Variants in ZNF423 observed in about 807,000 individuals in gnomAD.
ZNF423 encodes the protein zinc finger protein 423, also known as Ebf-associated zinc finger protein.
A neutral mutation model predicts 95.8 loss-of-function variants in ZNF423; 12 were observed. That is an observed-to-expected ratio of 0.13 (90% confidence interval 0.08 to 0.20). ZNF423 has a LOEUF of 0.20. ZNF423 is among the 10% of genes least tolerant of loss of function. The pLI, the probability that ZNF423 is intolerant of heterozygous loss-of-function variation, is 1.00. For synonymous variants in ZNF423, 749 were observed against 711.9 expected (o/e 1.05, Z -0.83); for missense variants, 1,316 against 1,737.1 (o/e 0.76, Z 4.31).
Position 49,815,902 on chromosome 16 carries a change from ATATATATATATATTTTTTTTTTT to A in ZNF423, c.41-26379_41-26357del, listed in dbSNP as rs1567356409. ...AAAAAATATATATATATATATATAT[ATATATATATATATTTTTTTTTTT>A]TTTTTTTTTTTGAGACAAAGTCTCA... is the stretch of plus-strand genomic sequence containing the variant. On this transcript the variant is annotated intron_variant, in intron 1 of 7. Coordinates refer to ENST00000563137, the MANE Select transcript of ZNF423 (RefSeq NM_001379286.1). Among the ~76,000 whole-genome samples the A allele has an allele frequency of 2.4e-4, 11 of 46,690 alleles. No homozygotes were observed. The South Asian group carries it at 4.2e-3, about 18-fold the overall frequency. The allele number at this position is 46,690 out of a possible 152,430, so 30.6% of individuals were successfully genotyped here. A position where few individuals can be genotyped will look rare whatever the true frequency, so the allele number is the denominator to read the frequency against.
At chr16:49,795,258 G>T (rs2034479769) in intron 1 of ZNF423, among the ~76,000 whole-genome samples, 1 of 152,154 alleles carries the variant, frequency 6.6e-6, no homozygotes, top group African/African-American at 2.4e-5. Context: ...GAACCAGGCA[G>T]TGGGCAAGGC....
intron 3 of ZNF423, among the ~76,000 whole-genome samples, chr16:49,727,325 C>A (rs2033047708): frequency 6.6e-6 from 1 of 152,148 alleles, no homozygotes; most frequent in Non-Finnish European, 1.5e-5. Context: ...AGAGGCCGGG[C>A]TCCAGGTTGG....
intron 5 of ZNF423, among the ~76,000 whole-genome samples, chr16:49,569,238 C>T (rs1419416203): frequency 6.6e-6 from 1 of 152,226 alleles, no homozygotes; most frequent in Non-Finnish European, 1.5e-5. Flanking sequence ...TGTCCTATCA[C>T]CTCACTCAAC....
intron 3 of ZNF423, among the ~76,000 whole-genome samples, chr16:49,642,490 G>A (rs1423422408): frequency 6.6e-6 from 1 of 152,202 alleles, no homozygotes; most frequent in Non-Finnish European, 1.5e-5. Flanking sequence ...TATTCTGGGA[G>A]CAACAAGCTG....
intron 2 of ZNF423, among the ~76,000 whole-genome samples, chr16:49,752,427 G>T (rs1301944904): frequency 1.3e-5 from 2 of 152,216 alleles, no homozygotes; most frequent in Non-Finnish European, 2.9e-5. Flanking sequence ...GGGGTCTGGG[G>T]GAGCAAGGCT....
intron 3 of ZNF423, among the ~76,000 whole-genome samples, chr16:49,730,367 A>T (rs2033132492): frequency 6.6e-6 from 1 of 152,128 alleles, no homozygotes; most frequent in Admixed American, 6.5e-5. Context: ...TCCTCATCCC[A>T]TCAGAAGCTC....
intron 1 of ZNF423, among the ~76,000 whole-genome samples, chr16:49,850,447 G>A (rs1179251065): frequency 6.6e-6 from 1 of 152,168 alleles, no homozygotes; most frequent in Non-Finnish European, 1.5e-5. Flanking sequence ...AAATAATGGG[G>A]ACCCCACTAA....
At chr16:49,587,446 C>A (rs1039517182) in intron 5 of ZNF423, among the ~76,000 whole-genome samples, 10 of 152,070 alleles carry the variant, frequency 6.6e-5, no homozygotes, top group Non-Finnish European at 1.5e-4. Flanking sequence ...GGGGGTCCAA[C>A]AAACATGTGG....
chr16:49,759,137 C>T (rs565558761), intron 2 of ZNF423, among the ~76,000 whole-genome samples: 5 of 152,246 alleles, frequency 3.3e-5, no homozygotes, highest in South Asian at 4.2e-4. Flanking sequence ...CTGTGGCTCA[C>T]GCCTGTAATC....
At chr16:49,710,404 A>G (rs2032505730) in intron 3 of ZNF423, among the ~76,000 whole-genome samples, 1 of 152,216 alleles carries the variant, frequency 6.6e-6, no homozygotes, top group African/African-American at 2.4e-5. Flanking sequence ...CCGGCACCCC[A>G]GGTCTGTTCA....
At chr16:49,815,902 ATATATATATATATTTTT>A (rs2034841893) in intron 1 of ZNF423, among the ~76,000 whole-genome samples, 2 of 46,694 alleles carry the variant, frequency 4.3e-5, no homozygotes, top group African/African-American at 9.2e-5. Flanking sequence ...ATATATATAT[ATATATATATATATTTTT>A]TTTTTTTTTT....
chr16:49,720,528 G>C (rs997329588), intron 3 of ZNF423, among the ~76,000 whole-genome samples: 11 of 152,220 alleles, frequency 7.2e-5, no homozygotes, highest in Non-Finnish European at 1.3e-4. Flanking sequence ...GCCTGGTCCA[G>C]TCAGTGCCCT....
intron 4 of ZNF423, among the ~76,000 whole-genome samples, chr16:49,634,743 C>T (rs188593960): frequency 9.2e-5 from 14 of 152,310 alleles, no homozygotes; most frequent in Non-Finnish European, 1.8e-4. Context: ...ATGGGAACCC[C>T]ACACCTGTGC....
intron 3 of ZNF423, among the ~76,000 whole-genome samples, chr16:49,700,215 A>AAAAAAGAAG (rs1555473664): frequency 7.3e-6 from 1 of 136,110 alleles, no homozygotes; most frequent in Admixed American, 7.3e-5. Flanking sequence ...AAAAAAAAAA[A>AAAAAAGAAG]AACAAGAAGA....
At chr16:49,587,289 G>A (rs1214340827) in intron 5 of ZNF423, among the ~76,000 whole-genome samples, 1 of 152,178 alleles carries the variant, frequency 6.6e-6, no homozygotes, top group African/African-American at 2.4e-5. Flanking sequence ...ACAAACAAAA[G>A]CAAAAAGAAT....
intron 5 of ZNF423, among the ~76,000 whole-genome samples, chr16:49,557,313 G>C (rs555553361): frequency 1.3e-5 from 2 of 152,200 alleles, no homozygotes; most frequent in Non-Finnish European, 2.9e-5. Context: ...AGGAGGGAGG[G>C]GGGCAGACGC....
intron 3 of ZNF423, among the ~76,000 whole-genome samples, chr16:49,723,123 T>A (rs540445340): frequency 6.6e-6 from 1 of 152,054 alleles, no homozygotes; most frequent in African/African-American, 2.4e-5. Flanking sequence ...GCCCGGCTAA[T>A]TTTTTGTATT....
chr16:49,521,601 G>A (rs1467191595), intron 7 of ZNF423, among the ~76,000 whole-genome samples: 1 of 152,234 alleles, frequency 6.6e-6, no homozygotes, highest in Non-Finnish European at 1.5e-5. Flanking sequence ...TAGCTCAGTG[G>A]TGGCCTTTTG....
At chr16:49,610,911 A>G (rs1971700571) in intron 5 of ZNF423, among the ~76,000 whole-genome samples, 1 of 152,048 alleles carries the variant, frequency 6.6e-6, no homozygotes, top group South Asian at 2.1e-4. Context: ...AAAATTAGCA[A>G]GAAAGAAAAG....
Sources: allele counts gnomAD v4.1 joint callset (sites outside exome capture counted in the v4.1 genomes callset), GRCh38; gene constraint gnomAD v4.1.1; transcripts MANE v1.5; gene names NCBI Gene and HGNC (gene_info 2026-07-23, HGNC 2026-07-21).